L3MBTL4: variants seen among roughly 807,000 people sequenced by gnomAD.
L3MBTL4 encodes the protein lethal(3)malignant brain tumor-like protein 4.
Under a neutral mutation model 84.5 loss-of-function variants are expected in L3MBTL4, and 70 were observed. The ratio of observed to expected loss-of-function variants is 0.83; its 90% CI spans 0.68 to 1.01. L3MBTL4 has a LOEUF of 1.01. L3MBTL4 is among the 50% of genes least tolerant of loss of function. The probability of loss-of-function intolerance (pLI) is 0.00; values close to 1 mark genes in which losing one functional copy is unlikely to be tolerated. For missense variants in L3MBTL4, 715 were observed against 754.8 expected, an observed-to-expected ratio of 0.95 and a Z score of 0.62; for synonymous variants, 274 against 259.8, an observed-to-expected ratio of 1.05 and a Z score of -0.52.
intron 1 of L3MBTL4, among the ~76,000 whole-genome samples, chr18:6,335,382 C>T (rs138203460): frequency 6.0e-4 from 91 of 152,248 alleles, no homozygotes; most frequent in Admixed American, 5.3e-3. Flanking sequence ...TGAGCCACTG[C>T]GCCTGTCCTC....
intron 16 of L3MBTL4, among the ~76,000 whole-genome samples, chr18:6,043,078 T>C (rs1215580425): frequency 5.3e-5 from 8 of 152,174 alleles, no homozygotes; most frequent in Admixed American, 5.2e-4. Context: ...CACACCCCCA[T>C]TATCCAAGTC....
chr18:6,197,783 AG>A (rs1313017952), intron 12 of L3MBTL4, among the ~76,000 whole-genome samples: 1 of 152,142 alleles, frequency 6.6e-6, no homozygotes, highest in Non-Finnish European at 1.5e-5. Flanking sequence ...ACTTCCACTT[AG>A]CCAAGGTTCC....
chr18:6,398,847 C>T (rs1291205601), intron 1 of L3MBTL4, among the ~76,000 whole-genome samples: 2 of 152,114 alleles, frequency 1.3e-5, no homozygotes, highest in Admixed American at 6.5e-5. Context: ...CACCATGAGC[C>T]ACCACTGCTT....
In L3MBTL4 at chr18:6,375,040, A is replaced by G. The variant is rs374037885; in HGVS notation, c.-91+39761T>C. ...AAAGCTTCTGCTTTGGTGCATTGGG[A>G]AACTCGGGCTGCTCTTGCAGTGTAA... On this transcript the variant is annotated intron_variant, in intron 1 of 18. Coordinates refer to ENST00000317931, the MANE Select transcript of L3MBTL4 (RefSeq NM_001330559.2). Among the ~76,000 whole-genome samples the G allele has an allele frequency of 7.2e-5, 11 of 152,160 alleles. No individual in the cohort carries two copies. The East Asian group carries it at 2.1e-3, about 29-fold the overall frequency.
intron 17 of L3MBTL4, among the ~76,000 whole-genome samples, chr18:5,962,994 C>A (rs1318451465): frequency 6.6e-6 from 1 of 152,160 alleles, no homozygotes; most frequent in African/African-American, 2.4e-5. Flanking sequence ...GCCAAATGCC[C>A]CTGGGGGGCA....
chr18:6,308,880 T>A (rs894460683), intron 3 of L3MBTL4, among the ~76,000 whole-genome samples: 14 of 152,216 alleles, frequency 9.2e-5, no homozygotes, highest in Admixed American at 7.9e-4. Flanking sequence ...TTACTGCCTG[T>A]CTGTACTGTT....
intron 14 of L3MBTL4, among the ~76,000 whole-genome samples, chr18:6,111,585 A>G (rs1192693999): frequency 6.6e-6 from 1 of 152,136 alleles, no homozygotes. Context: ...CGAAAGGGAG[A>G]GACAGAAGAG....
chr18:6,030,053 G>T, intron 16 of L3MBTL4: 1 of 985,380 alleles, frequency 1.0e-6, no homozygotes, highest in Non-Finnish European at 1.2e-6. Context: ...CATGTGTTAA[G>T]AACTGCTCGT....
At chr18:6,094,036 G>A (rs552103498) in intron 14 of L3MBTL4, among the ~76,000 whole-genome samples, 4 of 152,310 alleles carry the variant, frequency 2.6e-5, no homozygotes, top group Admixed American at 1.3e-4. Flanking sequence ...GTTTTGGGCT[G>A]GGGTGTGAAA....
At chr18:6,040,466 A>G (rs1296305004) in intron 16 of L3MBTL4, among the ~76,000 whole-genome samples, 1 of 152,186 alleles carries the variant, frequency 6.6e-6, no homozygotes, top group Non-Finnish European at 1.5e-5. Context: ...TCCTGCACCA[A>G]TCCATTACAG....
chr18:5,972,947 T>G (rs1047892881), intron 16 of L3MBTL4, among the ~76,000 whole-genome samples: 1 of 70,904 alleles, frequency 1.4e-5, no homozygotes, highest in East Asian at 4.8e-4. Flanking sequence ...TAGAATAGAA[T>G]AGAATAGAAT....
intron 16 of L3MBTL4, among the ~76,000 whole-genome samples, chr18:5,998,133 T>C (rs1344942590): frequency 1.3e-5 from 2 of 152,208 alleles, no homozygotes; most frequent in Non-Finnish European, 2.9e-5. Flanking sequence ...ATCTCAGCCC[T>C]GCCTGATCCT....
At chr18:6,192,809 C>T (rs1260601155) in intron 12 of L3MBTL4, among the ~76,000 whole-genome samples, 3 of 152,098 alleles carry the variant, frequency 2.0e-5, no homozygotes, top group South Asian at 4.1e-4. Flanking sequence ...AGAGAGCAAA[C>T]TTCTCCAGGG....
At chr18:5,971,141 A>T (rs1048314807) in intron 16 of L3MBTL4, among the ~76,000 whole-genome samples, 2 of 152,236 alleles carry the variant, frequency 1.3e-5, no homozygotes, top group African/African-American at 2.4e-5. Flanking sequence ...CAGGTTCTGA[A>T]AGGAAACTTC....
chr18:6,103,510 T>C (rs1340111062), intron 14 of L3MBTL4, among the ~76,000 whole-genome samples: 1 of 152,226 alleles, frequency 6.6e-6, no homozygotes, highest in Non-Finnish European at 1.5e-5. Flanking sequence ...ATCTTGGAAG[T>C]TGTTCAAAGG....
chr18:5,991,794 T>G (rs1470198758), intron 16 of L3MBTL4, among the ~76,000 whole-genome samples: 2 of 152,046 alleles, frequency 1.3e-5, no homozygotes, highest in African/African-American at 4.8e-5. Flanking sequence ...AGCTGTAAAA[T>G]ACCAGGTCAT....
chr18:6,118,833 A>G (rs1213372648), intron 14 of L3MBTL4, among the ~76,000 whole-genome samples: 1 of 152,204 alleles, frequency 6.6e-6, no homozygotes, highest in Non-Finnish European at 1.5e-5. Flanking sequence ...CTAAAGGAAC[A>G]TCAAGTGTTT....
chr18:5,991,547 T>C (rs2053699969), intron 16 of L3MBTL4, among the ~76,000 whole-genome samples: 1 of 152,156 alleles, frequency 6.6e-6, no homozygotes, highest in Admixed American at 6.5e-5. Context: ...TAGTAACCTG[T>C]TTAATTATTC....
At chr18:6,103,451 A>T (rs569176453) in intron 14 of L3MBTL4, among the ~76,000 whole-genome samples, 125 of 152,270 alleles carry the variant, frequency 8.2e-4, no homozygotes, top group African/African-American at 2.8e-3. Flanking sequence ...CCTCTTTTTT[A>T]AAAAAATGCA....
Sources: allele counts gnomAD v4.1 joint callset (sites outside exome capture counted in the v4.1 genomes callset), GRCh38; gene constraint gnomAD v4.1.1; transcripts MANE v1.5; gene names NCBI Gene and HGNC (gene_info 2026-07-23, HGNC 2026-07-21).